Variants in RHBDD1 observed in about 807,000 individuals in gnomAD.
RHBDD1 encodes rhomboid-related protein 4.
A neutral mutation model predicts 36.3 loss-of-function variants in RHBDD1; 38 were observed. That is an observed-to-expected ratio of 1.05 (90% confidence interval 0.81 to 1.37). The LOEUF (loss-of-function observed/expected upper bound fraction) is 1.37, where lower values mean the gene tolerates loss of function less well. RHBDD1 is among the 40% of genes most tolerant of loss of function. The pLI, the probability that RHBDD1 is intolerant of heterozygous loss-of-function variation, is 0.00. For missense variants in RHBDD1, 393 were observed against 377.6 expected, an observed-to-expected ratio of 1.04 and a Z score of -0.34; for synonymous variants, 151 against 136.5, an observed-to-expected ratio of 1.11 and a Z score of -0.74.
chr2:226,871,055 A>C (rs1944760003), intron 5 of RHBDD1, among the ~76,000 whole-genome samples: 2 of 152,204 alleles, frequency 1.3e-5, no homozygotes, highest in African/African-American at 4.8e-5. Flanking sequence ...TTCATTGCTA[A>C]TATTTGACAA....
At chr2:226,900,031 G>A (rs1447176453) in intron 5 of RHBDD1, among the ~76,000 whole-genome samples, 3 of 152,168 alleles carry the variant, frequency 2.0e-5, no homozygotes, top group African/African-American at 7.2e-5. Flanking sequence ...ATTCTTGTTT[G>A]TGATGAATTA....
chr2:226,898,183 G>A (rs1947284051), intron 5 of RHBDD1, among the ~76,000 whole-genome samples: 2 of 152,122 alleles, frequency 1.3e-5, no homozygotes, highest in Non-Finnish European at 2.9e-5. Flanking sequence ...GAGTTTTGGA[G>A]GGGACAAACC....
intron 8 of RHBDD1, among the ~76,000 whole-genome samples, chr2:226,992,034 T>C (rs1958337978): frequency 1.3e-5 from 2 of 152,194 alleles, no homozygotes; most frequent in Non-Finnish European, 2.9e-5. Flanking sequence ...GCTGAACAAA[T>C]GTGAGTACAT....
chr2:226,843,960 A>G (rs1211300467), intron 3 of RHBDD1, among the ~76,000 whole-genome samples: 3 of 152,036 alleles, frequency 2.0e-5, no homozygotes, highest in East Asian at 1.9e-4. Context: ...GAACTCATTT[A>G]TTAGTCTATT....
chr2:226,841,625 G>A (rs546177116), intron 3 of RHBDD1, among the ~76,000 whole-genome samples: 1 of 152,246 alleles, frequency 6.6e-6, no homozygotes, highest in East Asian at 1.9e-4. Context: ...CCCTGCAAAG[G>A]ACATGATTTC....
intron 8 of RHBDD1, among the ~76,000 whole-genome samples, chr2:226,927,883 T>C (rs1949770609): frequency 6.6e-6 from 1 of 152,126 alleles, no homozygotes; most frequent in Non-Finnish European, 1.5e-5. Context: ...TTGCAAATAT[T>C]TTCCCTGAGT....
At chr2:226,973,445 T>A (rs1953959176) in intron 8 of RHBDD1, among the ~76,000 whole-genome samples, 1 of 152,250 alleles carries the variant, frequency 6.6e-6, no homozygotes, top group Non-Finnish European at 1.5e-5. Flanking sequence ...TTTTCCACTC[T>A]GTTTCCTCAT....
chr2:226,925,042 A>C (rs1949575765), intron 8 of RHBDD1, among the ~76,000 whole-genome samples: 1 of 152,204 alleles, frequency 6.6e-6, no homozygotes, highest in Non-Finnish European at 1.5e-5. Flanking sequence ...TCTGGGAAGG[A>C]TGATCTGTAA....
intron 8 of RHBDD1, among the ~76,000 whole-genome samples, chr2:226,942,019 A>G (rs1488748539): frequency 6.6e-6 from 1 of 152,216 alleles, no homozygotes; most frequent in Non-Finnish European, 1.5e-5. Flanking sequence ...ATATCAGATT[A>G]GAGGGCCAGA....
intron 3 of RHBDD1, among the ~76,000 whole-genome samples, chr2:226,852,901 TTTATTATTATTATTA>T (rs34006366): frequency 1.0e-4 from 13 of 125,202 alleles, no homozygotes; most frequent in Admixed American, 4.9e-4. Context: ...ACCTGGCTAA[TTTATTATTATTATTA>T]TTATTATTAT....
At chr2:226,901,537 A>G (rs1434743616) in intron 5 of RHBDD1, among the ~76,000 whole-genome samples, 1 of 152,120 alleles carries the variant, frequency 6.6e-6, no homozygotes, top group African/African-American at 2.4e-5. Flanking sequence ...CCTTGCCCAC[A>G]CTTGTTGTAT....
intron 8 of RHBDD1, among the ~76,000 whole-genome samples, chr2:226,918,265 T>A (rs1949057796): frequency 2.0e-5 from 3 of 152,020 alleles, no homozygotes; most frequent in African/African-American, 7.2e-5. Context: ...CAGTGTATAA[T>A]ACATCAGGGT....
intron 5 of RHBDD1, among the ~76,000 whole-genome samples, chr2:226,889,090 G>C (rs990023389): frequency 1.3e-5 from 2 of 152,182 alleles, no homozygotes; most frequent in Non-Finnish European, 2.9e-5. Context: ...CAGCATCTCT[G>C]AGTGCACTGC....
chr2:226,808,188 A>G, the RHBDD1 span, among the ~76,000 whole-genome samples: 2 of 152,210 alleles, frequency 1.3e-5, no homozygotes, highest in Non-Finnish European at 2.9e-5. Context: ...TTTTGAGGGC[A>G]GCATCAGCAG....
At chr2:226,941,771 G>A (rs1266218657) in intron 8 of RHBDD1, among the ~76,000 whole-genome samples, 1 of 152,118 alleles carries the variant, frequency 6.6e-6, no homozygotes, top group African/African-American at 2.4e-5. Context: ...TCGCATTTGG[G>A]TTATATCCAT....
intron 5 of RHBDD1, among the ~76,000 whole-genome samples, chr2:226,903,731 T>C (rs1156381402): frequency 6.6e-6 from 1 of 152,098 alleles, no homozygotes; most frequent in Non-Finnish European, 1.5e-5. Flanking sequence ...CAGCCCTAAA[T>C]GGGAACAGGC....
At chr2:226,945,869 A>G (rs1319302034) in intron 8 of RHBDD1, among the ~76,000 whole-genome samples, 1 of 152,110 alleles carries the variant, frequency 6.6e-6, no homozygotes, top group Non-Finnish European at 1.5e-5. Context: ...ATGAGACGGT[A>G]TCTCATGGTT....
chr2:226,875,697 T>G (rs751319393), intron 5 of RHBDD1, among the ~76,000 whole-genome samples: 34 of 151,006 alleles, frequency 2.3e-4, no homozygotes, highest in Admixed American at 4.6e-4. Context: ...AGACTGCTCT[T>G]TGTTTTGAAA....
At chr2:226,971,292 G>T (rs1345492210) in intron 8 of RHBDD1, among the ~76,000 whole-genome samples, 3 of 152,194 alleles carry the variant, frequency 2.0e-5, no homozygotes, top group African/African-American at 7.2e-5. Context: ...GTGAGAGAAG[G>T]AATAGAAGAA....
Sources: allele counts gnomAD v4.1 joint callset (sites outside exome capture counted in the v4.1 genomes callset), GRCh38; gene constraint gnomAD v4.1.1; transcripts MANE v1.5; gene names NCBI Gene and HGNC (gene_info 2026-07-23, HGNC 2026-07-21).